SCRG1: variants seen among roughly 807,000 people sequenced by gnomAD.
SCRG1 encodes scrapie-responsive protein 1.
SCRG1 carries 3 observed loss-of-function variants against 7.7 expected under a neutral mutation model. That is an observed-to-expected ratio of 0.39 (90% CI 0.18 to 1.01). The LOEUF (loss-of-function observed/expected upper bound fraction) is 1.01. Ranked by LOEUF, SCRG1 falls within the 50% of genes least tolerant of loss-of-function variation. SCRG1 has a pLI of 0.36. For synonymous variants in SCRG1, 46 were observed against 41.2 expected, an observed-to-expected ratio of 1.12 and a Z score of -0.44; for missense variants, 110 against 117.2, an observed-to-expected ratio of 0.94 and a Z score of 0.28.
the SCRG1 span, among the ~76,000 whole-genome samples, chr4:173,421,349 A>T: frequency 6.6e-5 from 10 of 151,746 alleles, no homozygotes; most frequent in South Asian, 4.2e-4. Flanking sequence ...AAATTGTCGA[A>T]TGAGTCAGTG....
chr4:173,447,105 A>C, the SCRG1 span, among the ~76,000 whole-genome samples: 1 of 152,226 alleles, frequency 6.6e-6, no homozygotes, highest in African/African-American at 2.4e-5. Flanking sequence ...GTGGCTTAAC[A>C]ACAAACATTT....
At chr4:173,486,130 G>A in the SCRG1 span, among the ~76,000 whole-genome samples, 1 of 152,192 alleles carries the variant, frequency 6.6e-6, no homozygotes, top group African/African-American at 2.4e-5. Flanking sequence ...GGAGTCTGTA[G>A]TTCAGAGAAT....
At chr4:173,494,307 G>A in the SCRG1 span, among the ~76,000 whole-genome samples, 1 of 152,150 alleles carries the variant, frequency 6.6e-6, no homozygotes, top group East Asian at 1.9e-4. Context: ...TAAACACCGC[G>A]AAGAACCAGG....
At chr4:173,489,917 A>T in the SCRG1 span, among the ~76,000 whole-genome samples, 3 of 152,226 alleles carry the variant, frequency 2.0e-5, no homozygotes, top group African/African-American at 7.2e-5. Flanking sequence ...TCTACTAACA[A>T]TTCCCAGAAA....
intron 1 of SCRG1, among the ~76,000 whole-genome samples, chr4:173,396,031 G>A (rs1158530620): frequency 6.6e-6 from 1 of 152,190 alleles, no homozygotes; most frequent in Non-Finnish European, 1.5e-5. Flanking sequence ...GTATTGTGGT[G>A]GGACAAGATT....
At chr4:173,463,955 G>T in the SCRG1 span, among the ~76,000 whole-genome samples, 1 of 152,096 alleles carries the variant, frequency 6.6e-6, no homozygotes, top group African/African-American at 2.4e-5. Context: ...ACGGACAATG[G>T]GGGGAGAATG....
At chr4:173,494,451 G>A in the SCRG1 span, among the ~76,000 whole-genome samples, 1 of 152,228 alleles carries the variant, frequency 6.6e-6, no homozygotes, top group Non-Finnish European at 1.5e-5. Flanking sequence ...TTTCCAAAGA[G>A]CGGAGGAAGC....
Position 173,385,487 on chromosome 4 carries a change from T to G in SCRG1, c.*2854A>C, listed in dbSNP as rs942781689. 2.0e-5 allele frequency: 3 copies of G among 151,756 alleles called. No individual in the cohort carries two copies. The highest frequency in any genetic ancestry group is 7.3e-5 in the African/African-American group (3 of 41,312). The allele number at this position is 151,756 out of a possible 1,614,324, so 9.4% of individuals were successfully genotyped here. On this transcript the variant is annotated 3_prime_UTR_variant, in exon 3 of 3. Transcript: ENST00000296506. ...TCAGTTTCAAAAAAAAAAAAAAATC[T>G]ATTGTTTTTAAAAATGCATTGACCA...
the SCRG1 span, among the ~76,000 whole-genome samples, chr4:173,480,476 T>C: frequency 6.6e-6 from 1 of 152,138 alleles, no homozygotes; most frequent in African/African-American, 2.4e-5. Flanking sequence ...AATTGTCACA[T>C]GTGTTCCTTG....
chr4:173,395,278 A>G (rs1397339055), intron 1 of SCRG1, among the ~76,000 whole-genome samples: 1 of 152,354 alleles, frequency 6.6e-6, no homozygotes, highest in East Asian at 1.9e-4. Flanking sequence ...TATTTTGTTC[A>G]CTACCATACA....
At chr4:173,492,936 C>A in the SCRG1 span, among the ~76,000 whole-genome samples, 2 of 152,150 alleles carry the variant, frequency 1.3e-5, no homozygotes, top group African/African-American at 4.8e-5. Flanking sequence ...GTGCTATGGA[C>A]AAGAACAAAC....
rs758507035 is a variant in SCRG1 at position 173,390,082 on chromosome 4, C to T, written c.242+1091G>A. ...TTTTTGAGATTAAGTCTTGCTTTGT[C>T]GCCCAGGCTGGAGTGCAATGGCACG... On this transcript the variant is annotated intron_variant, in intron 2 of 2. Coordinates refer to ENST00000296506, the MANE Select transcript of SCRG1 (RefSeq NM_007281.4). Among the ~76,000 whole-genome samples the T allele has an allele frequency of 4.2e-4, 64 of 152,030 alleles. 2 individuals carry two copies. The highest frequency in any genetic ancestry group is 3.9e-3 in the Admixed American group (60 of 15,270).
the SCRG1 span, among the ~76,000 whole-genome samples, chr4:173,489,402 AT>A: frequency 6.6e-6 from 1 of 152,184 alleles, no homozygotes; most frequent in African/African-American, 2.4e-5. Context: ...TTTATAAATG[AT>A]TTGTCATAAG....
chr4:173,451,495 G>A, the SCRG1 span, among the ~76,000 whole-genome samples: 6 of 151,814 alleles, frequency 4.0e-5, no homozygotes, highest in African/African-American at 1.2e-4. Context: ...AAGATAGCAC[G>A]TTCTCCTCAT....
At chr4:173,499,136 C>T in the SCRG1 span, among the ~76,000 whole-genome samples, 3 of 152,124 alleles carry the variant, frequency 2.0e-5, no homozygotes, top group East Asian at 3.8e-4. The surrounding 1 kb of genome is among the most constrained non-coding windows in gnomAD (Gnocchi z 4.1). Context: ...GGATAACATC[C>T]TCAGACCATT....
rs554675909 is a variant in SCRG1 at position 173,392,963 on chromosome 4, C to T, written c.-14-1535G>A. On this transcript the variant is annotated intron_variant, in intron 1 of 2. Coordinates refer to ENST00000296506, the MANE Select transcript of SCRG1 (RefSeq NM_007281.4). ...AAAAGTAGCCAGGCATGGTGGCATG[C>T]GCCTGTAATCCCAGCTACTTGGGAG... Among the ~76,000 whole-genome samples, 9 of 152,136 alleles carry T rather than the reference C, an allele frequency of 5.9e-5. No individual in the cohort carries two copies. In the South Asian group the frequency reaches 1.0e-3, roughly 18 times the overall value.
rs1296430249 is a variant in SCRG1 at position 173,385,913 on chromosome 4, T to C, written c.*2428A>G. The C allele has an allele frequency of 3.9e-5, 6 of 152,322 alleles. No individual in the cohort carries two copies. The highest frequency in any genetic ancestry group is 2.1e-4 in the South Asian group (1 of 4,830). The allele number at this position is 152,322 out of a possible 1,614,324, so 9.4% of individuals were successfully genotyped here. A position where few individuals can be genotyped will look rare whatever the true frequency, so the allele number is the denominator to read the frequency against. ...AGTTTTTTTAAATTTACCTATTCTA[T>C]GCATTGTTCCAGAATGGATATGAAA... On this transcript the variant is annotated 3_prime_UTR_variant, in exon 3 of 3. Transcript: ENST00000296506.
chr4:173,450,023 AC>A, the SCRG1 span, among the ~76,000 whole-genome samples: 1 of 152,218 alleles, frequency 6.6e-6, no homozygotes, highest in East Asian at 1.9e-4. Context: ...TGGTATAAAG[AC>A]ATACCTAAAA....
chr4:173,471,976 T>G, the SCRG1 span, among the ~76,000 whole-genome samples: 3 of 152,314 alleles, frequency 2.0e-5, no homozygotes, highest in East Asian at 5.8e-4. Flanking sequence ...CCCAAAGTGC[T>G]GGGATTACAG....
Sources: gnomAD v4.1 joint callset for allele counts (sites outside exome capture counted in the v4.1 genomes callset) on GRCh38, gnomAD v4.1.1 for gene constraint, Gnocchi (gnomAD v3.1) non-coding constraint, MANE v1.5 for transcripts, NCBI Gene and HGNC (gene_info 2026-07-23, HGNC 2026-07-21) for gene names.